Variants in TESC observed in about 807,000 individuals in gnomAD.
The protein encoded by TESC is calcineurin B homologous protein 3.
In TESC, 19 loss-of-function variants were observed where a neutral mutation model predicts 31.0. That is an observed-to-expected ratio of 0.61 (90% CI 0.43 to 0.90). The LOEUF is 0.90. Ranked by LOEUF, TESC falls within the 40% of genes least tolerant of loss-of-function variation. TESC has a pLI of 0.00. For missense variants in TESC, 248 were observed against 303.8 expected (o/e 0.82, Z 1.36); for synonymous variants, 109 against 114.8 (o/e 0.95, Z 0.32).
chr12:117,065,076 CAGA>C (rs1431787703), intron 2 of TESC, among the ~76,000 whole-genome samples: 5 of 152,218 alleles, frequency 3.3e-5, no homozygotes, highest in Non-Finnish European at 5.9e-5. Context: ...GTGCAGGGGC[CAGA>C]AGGACACTGA....
At chr12:117,092,265 C>T (rs974974796) in intron 1 of TESC, among the ~76,000 whole-genome samples, 2 of 152,150 alleles carry the variant, frequency 1.3e-5, no homozygotes, top group African/African-American at 2.4e-5. Context: ...TGGCACAGGA[C>T]GGCTCCAGCA....
intron 1 of TESC, among the ~76,000 whole-genome samples, chr12:117,097,137 C>T (rs1457360065): frequency 6.6e-6 from 1 of 152,168 alleles, no homozygotes; most frequent in East Asian, 1.9e-4. Flanking sequence ...CAAAAGTGAC[C>T]GAATTACGCA....
chr12:117,047,456 G>A lies in TESC; in HGVS notation c.350-618C>T, dbSNP rs575117821. Among the ~76,000 whole-genome samples the A allele has an allele frequency of 5.9e-5, 9 of 151,762 alleles. No homozygotes were observed. In the South Asian group the frequency reaches 1.0e-3, roughly 18 times the overall value. On this transcript the variant is annotated intron_variant, in intron 4 of 7. Coordinates refer to ENST00000335209, the MANE Select transcript of TESC (RefSeq NM_017899.4). ...ATTTATTTTTTCAAGATTTAGTCTC[G>A]CTCTGTCACCCAGGCTGTAGTGTAG...
At chr12:117,099,197 C>T in intron 1 of TESC, 28 bp downstream of exon 1, 1 of 1,478,304 alleles carries the variant, frequency 6.8e-7, no homozygotes, top group Non-Finnish European at 8.9e-7. Context: ...CCGCCCCGGT[C>T]CCCGCGCCGC....
At chr12:117,042,231 A>G (rs1275490400) in intron 6 of TESC, among the ~76,000 whole-genome samples, 1 of 152,024 alleles carries the variant, frequency 6.6e-6, no homozygotes, top group East Asian at 1.9e-4. Context: ...ATGGGAGCCG[A>G]GCGTCGCTCA....
intron 1 of TESC, among the ~76,000 whole-genome samples, chr12:117,075,899 A>ATGTGTGTG (rs1315875340): frequency 8.2e-5 from 6 of 73,180 alleles, no homozygotes; most frequent in South Asian, 4.0e-4. Context: ...ATATATATAT[A>ATGTGTGTG]TATATATATA....
Position 117,099,207 on chromosome 12 carries a change from C to T in TESC, c.58+18G>A. On this transcript the variant is annotated intron_variant, in intron 1 of 7. Coordinates refer to ENST00000335209, the MANE Select transcript of TESC (RefSeq NM_017899.4). ...AGGTCCCGCCCCGGTCCCCGCGCCGCCCCCCGCGGGTACTCACAGCCGGTC... is the reference window on the plus strand; with the variant it reads ...AGGTCCCGCCCCGGTCCCCGCGCCGTCCCCCGCGGGTACTCACAGCCGGTC... 3 of 1,479,586 alleles carry T rather than the reference C, an allele frequency of 2.0e-6. No homozygotes were observed. Among genetic ancestry groups the T allele is most frequent in the South Asian group, 1.3e-5 (1 of 78,824 alleles). The allele number at this position is 1,479,586 out of a possible 1,614,324, so 91.7% of individuals were successfully genotyped here.
intron 1 of TESC, among the ~76,000 whole-genome samples, chr12:117,075,913 A>ATATATATATGTGTG (rs1265957613): frequency 1.9e-5 from 1 of 51,964 alleles, no homozygotes; most frequent in Non-Finnish European, 3.3e-5. Context: ...ATATATATAT[A>ATATATATATGTGTG]TGTGTGTGTG....
chr12:117,086,855 G>A (rs1441998875), intron 1 of TESC, among the ~76,000 whole-genome samples: 1 of 152,206 alleles, frequency 6.6e-6, no homozygotes, highest in Non-Finnish European at 1.5e-5. Flanking sequence ...TGGGGTTGCT[G>A]GGACTGTTAT....
At chr12:117,065,325 C>A (rs570070779) in intron 2 of TESC, among the ~76,000 whole-genome samples, 1 of 152,114 alleles carries the variant, frequency 6.6e-6, no homozygotes. Flanking sequence ...AGAGAAGTAG[C>A]AAATCCTGGG....
Position 117,049,985 on chromosome 12 carries a change from ACTC to A in TESC, c.210-830_210-828del, listed in dbSNP as rs1431479250. ...TTAATTTTGTCAGAGTCAGGGTCTC[ACTC>A]CATTGCCCAGGCTGGAGTTCAGTGG... On this transcript the variant is annotated intron_variant, in intron 3 of 7. Coordinates refer to ENST00000335209, the MANE Select transcript of TESC (RefSeq NM_017899.4). Among the ~76,000 whole-genome samples the A allele has an allele frequency of 9.8e-4, 148 of 151,640 alleles. 1 individual carries two copies. Among genetic ancestry groups the A allele is most frequent in the East Asian group, 1.4e-3 (7 of 5,168 alleles).
intron 2 of TESC, among the ~76,000 whole-genome samples, chr12:117,059,524 A>T (rs1319051131): frequency 6.6e-6 from 1 of 152,226 alleles, no homozygotes; most frequent in Non-Finnish European, 1.5e-5. Flanking sequence ...GGAAAAAAAA[A>T]TAAGATTATT....
chr12:117,065,453 G>A (rs1235168244), intron 2 of TESC, among the ~76,000 whole-genome samples: 1 of 152,196 alleles, frequency 6.6e-6, no homozygotes, highest in African/African-American at 2.4e-5. Flanking sequence ...CACCACAGAG[G>A]AACGGGGGAC....
chr12:117,071,920 C>G (rs1006469842), intron 2 of TESC, among the ~76,000 whole-genome samples: 3 of 152,194 alleles, frequency 2.0e-5, no homozygotes, highest in Non-Finnish European at 4.4e-5. Flanking sequence ...GTTAGAAATG[C>G]AGAGTCTCAG....
rs1389257328 is a variant in TESC, at chr12:117,099,302, C to G, written c.-20G>C. 4 of 1,420,832 alleles carry G rather than the reference C, an allele frequency of 2.8e-6. No individual in the cohort carries two copies. The highest frequency in any genetic ancestry group is 1.4e-5 in the South Asian group (1 of 70,408). 88.0% of individuals were successfully genotyped at this position (1,420,832 alleles called of 1,614,324 possible). On this transcript the variant is annotated 5_prime_UTR_variant, in exon 1 of 8. Coordinates refer to ENST00000335209, the MANE Select transcript of TESC (RefSeq NM_017899.4). ...GCCCATGGTGCCCGCGGCGGGGGCC[C>G]CGGGGCGCGCGTCCCTCTCAGGCCC...
chr12:117,085,976 A>T (rs1159228128), intron 1 of TESC, among the ~76,000 whole-genome samples: 2 of 152,240 alleles, frequency 1.3e-5, no homozygotes, highest in South Asian at 2.1e-4. Context: ...ATGAGATGTT[A>T]TAAAGCAATA....
intron 6 of TESC, among the ~76,000 whole-genome samples, chr12:117,044,441 A>T (rs1272252578): frequency 2.6e-5 from 4 of 152,118 alleles, no homozygotes; most frequent in African/African-American, 9.7e-5. Flanking sequence ...AAGGGGAGCT[A>T]ATTATAGAAA....
chr12:117,074,855 G>C (rs1027108716), intron 2 of TESC, among the ~76,000 whole-genome samples: 1 of 152,208 alleles, frequency 6.6e-6, no homozygotes, highest in African/African-American at 2.4e-5. Flanking sequence ...GAAGAGACCA[G>C]AAGCATTAAA....
rs114478978 is a variant in TESC, at chr12:117,065,025, G to C, written c.129-8139C>G. On this transcript the variant is annotated intron_variant, in intron 2 of 7. Transcript: ENST00000335209. ...GGAACAAAGAATGTTCATGTAACTT[G>C]GGCAAAAATAATTGGAGATGGGTGT... is the stretch of plus-strand genomic sequence containing the variant. Among the ~76,000 whole-genome samples, 1,523 of 152,360 alleles carry C rather than the reference G, an allele frequency of 1.0e-2. 29 individuals are homozygous for C. Among genetic ancestry groups the C allele is most frequent in the African/African-American group, 0.035 (1,445 of 41,578 alleles).
Sources: allele counts gnomAD v4.1 joint callset (sites outside exome capture counted in the v4.1 genomes callset), GRCh38; gene constraint gnomAD v4.1.1; transcripts MANE v1.5; gene names NCBI Gene and HGNC (gene_info 2026-07-23, HGNC 2026-07-21).